Variants in CAMK1D observed in about 807,000 individuals in gnomAD.
CAMK1D encodes calcium/calmodulin-dependent protein kinase type 1D.
CAMK1D carries 9 observed loss-of-function variants against 47.7 expected under a neutral mutation model. The observed-to-expected ratio is 0.19, with a 90% CI of 0.11 to 0.33. The LOEUF (loss-of-function observed/expected upper bound fraction) is 0.33. CAMK1D is among the 10% of genes least tolerant of loss of function. CAMK1D has a pLI of 1.00. For synonymous variants in CAMK1D, 184 were observed against 184.9 expected (o/e 0.99, Z 0.04); for missense variants, 291 against 488.7 (o/e 0.60, Z 3.81).
chr10:12,407,226 A>T lies in CAMK1D; in HGVS notation c.92+57316A>T, dbSNP rs114647097. On this transcript the variant is annotated intron_variant, in intron 1 of 10. Transcript: ENST00000619168. ...CCAGGCTTGAGGAACCCAGGGCAGG[A>T]GGCCTGGCAGGGCGGGCAGAGCCGC... Among the ~76,000 whole-genome samples the T allele has an allele frequency of 2.3e-3, 343 of 152,346 alleles. 4 individuals are homozygous for T. Among genetic ancestry groups the T allele is most frequent in the African/African-American group, 8.1e-3 (338 of 41,572 alleles).
rs555915400 is a variant in CAMK1D, at chr10:12,592,912, G to T, written c.224+39556G>T. ...AAATCTCTCTTGTTCTCTCCTTTCTGCCTGGCTCCCTCCTCTTCATCTTTC... is the reference window on the plus strand; with the variant it reads ...AAATCTCTCTTGTTCTCTCCTTTCTTCCTGGCTCCCTCCTCTTCATCTTTC... On this transcript the variant is annotated intron_variant, in intron 2 of 10. Coordinates refer to ENST00000619168, the MANE Select transcript of CAMK1D (RefSeq NM_153498.4). Among the ~76,000 whole-genome samples, 28 of 152,154 alleles carry T rather than the reference G, an allele frequency of 1.8e-4. No individual in the cohort carries two copies. In the South Asian group the frequency reaches 5.4e-3, roughly 29 times the overall value.
intron 1 of CAMK1D, among the ~76,000 whole-genome samples, chr10:12,440,818 A>G (rs1467168394): frequency 6.6e-6 from 1 of 152,228 alleles, no homozygotes; most frequent in African/African-American, 2.4e-5. Context: ...GATGCAGGAA[A>G]TGCTACCTGA....
intron 1 of CAMK1D, among the ~76,000 whole-genome samples, chr10:12,388,937 G>T (rs546560541): frequency 4.6e-5 from 7 of 152,178 alleles, no homozygotes; most frequent in Non-Finnish European, 1.0e-4. Flanking sequence ...TGCGGTAAAG[G>T]CGTGGCTTGC....
chr10:12,432,643 G>A (rs1832519110), intron 1 of CAMK1D, among the ~76,000 whole-genome samples: 2 of 152,202 alleles, frequency 1.3e-5, no homozygotes, highest in Non-Finnish European at 2.9e-5. Flanking sequence ...TGAATGAATG[G>A]GCAAATGAAC....
At chr10:12,824,672 C>T in intron 9 of CAMK1D, 120 bp downstream of exon 9, 1 of 742,538 alleles carries the variant, frequency 1.3e-6, no homozygotes, top group Non-Finnish European at 2.3e-6. Context: ...ATTTTAACTG[C>T]AAGTAATAAA....
intron 1 of CAMK1D, among the ~76,000 whole-genome samples, chr10:12,376,377 T>C (rs2131865302): frequency 6.6e-6 from 1 of 152,090 alleles, no homozygotes; most frequent in East Asian, 1.9e-4. Flanking sequence ...GATTTGAACC[T>C]AGATCTGTGT....
chr10:12,742,096 C>T (rs1210951445), intron 3 of CAMK1D, among the ~76,000 whole-genome samples: 1 of 152,180 alleles, frequency 6.6e-6, no homozygotes, highest in Non-Finnish European at 1.5e-5. Flanking sequence ...TCTGCCTACG[C>T]CCACTGCTTC....
chr10:12,606,509 G>A (rs1404723533), intron 2 of CAMK1D, among the ~76,000 whole-genome samples: 1 of 152,208 alleles, frequency 6.6e-6, no homozygotes, highest in Non-Finnish European at 1.5e-5. Flanking sequence ...GCTCAGAATG[G>A]ATGGCTGGAT....
At chr10:12,363,046 T>C (rs922991811) in intron 1 of CAMK1D, among the ~76,000 whole-genome samples, 2 of 150,348 alleles carry the variant, frequency 1.3e-5, no homozygotes, top group Admixed American at 6.7e-5. Context: ...GTACAAGCAA[T>C]TCTCCTGTCT....
At chr10:12,694,184 A>ATATAAT (rs1564498367) in intron 3 of CAMK1D, among the ~76,000 whole-genome samples, 8 of 17,326 alleles carry the variant, frequency 4.6e-4, no homozygotes, top group African/African-American at 1.7e-3. Flanking sequence ...TATTATATAT[A>ATATAAT]ATATAATATA....
At chr10:12,367,126 G>A (rs1233423061) in intron 1 of CAMK1D, among the ~76,000 whole-genome samples, 1 of 152,088 alleles carries the variant, frequency 6.6e-6, no homozygotes, top group Non-Finnish European at 1.5e-5. Flanking sequence ...GAGAAAAAGG[G>A]GATAAAAAAT....
At chr10:12,695,098 G>T (rs1833229168) in intron 3 of CAMK1D, among the ~76,000 whole-genome samples, 1 of 140,240 alleles carries the variant, frequency 7.1e-6, no homozygotes, top group Non-Finnish European at 1.6e-5. Context: ...ATAGATATAG[G>T]GTAGATTGAT....
chr10:12,781,047 T>C (rs3802564), intron 5 of CAMK1D, among the ~76,000 whole-genome samples: 34,207 of 152,132 alleles, frequency 0.22, 4,023 homozygotes, highest in East Asian at 0.46. Flanking sequence ...CACATGGCAG[T>C]CCCACAGAGT....
chr10:12,604,990 T>A (rs1838409385), intron 2 of CAMK1D, among the ~76,000 whole-genome samples: 1 of 151,680 alleles, frequency 6.6e-6, no homozygotes, highest in Non-Finnish European at 1.5e-5. Context: ...TGGGTTCAAG[T>A]GATTCTCCTG....
At position 12,525,264 on chromosome 10, in the gene CAMK1D, G is replaced by A. The variant is rs1219418260; in HGVS notation, c.93-27961G>A. 4.6e-5 allele frequency among the ~76,000 whole-genome samples: 7 copies of A among 152,124 alleles called. 1 individual carries two copies. Among genetic ancestry groups the A allele is most frequent in the Admixed American group, 4.6e-4 (7 of 15,272 alleles). On this transcript the variant is annotated intron_variant, in intron 1 of 10. Transcript: ENST00000619168. Reference sequence around the variant, plus strand: ...TGAACTTCTGTAATCAGTACCTAATGTCTTTCGCCATACATGGGAAGTTTT... The same window carrying A: ...TGAACTTCTGTAATCAGTACCTAATATCTTTCGCCATACATGGGAAGTTTT...
rs1399514699 is a variant in CAMK1D, at chr10:12,771,948, C to G, written c.565+2149C>G. ...ACTTGGGAGGCTGAGGCAGGAGAAT[C>G]GCTTGAACCTGGGGGGCGGAAGTTG... is the stretch of plus-strand genomic sequence containing the variant. On this transcript the variant is annotated intron_variant, in intron 5 of 10. Coordinates refer to ENST00000619168, the MANE Select transcript of CAMK1D (RefSeq NM_153498.4). 3.3e-5 allele frequency among the ~76,000 whole-genome samples: 5 copies of G among 151,914 alleles called. No individual in the cohort carries two copies. The East Asian group carries it at 9.7e-4, about 29-fold the overall frequency.
chr10:12,776,647 A>C (rs574441325), intron 5 of CAMK1D, among the ~76,000 whole-genome samples: 19 of 152,288 alleles, frequency 1.2e-4, no homozygotes, highest in African/African-American at 4.1e-4. Flanking sequence ...TTGAATCATT[A>C]ACATCGATTC....
intron 3 of CAMK1D, among the ~76,000 whole-genome samples, chr10:12,759,478 G>A (rs969015552): frequency 1.3e-5 from 2 of 152,178 alleles, no homozygotes; most frequent in African/African-American, 4.8e-5. Context: ...GTTGGGGGAA[G>A]GTTCTTGAAA....
intron 5 of CAMK1D, among the ~76,000 whole-genome samples, chr10:12,777,066 A>G (rs866569721): frequency 6.6e-6 from 1 of 152,152 alleles, no homozygotes; most frequent in Non-Finnish European, 1.5e-5. Flanking sequence ...ATGAGGATCA[A>G]CTAGATTTGG....
Sources: gnomAD v4.1 joint callset for allele counts (sites outside exome capture counted in the v4.1 genomes callset) on GRCh38, gnomAD v4.1.1 for gene constraint, MANE v1.5 for transcripts, NCBI Gene and HGNC (gene_info 2026-07-23, HGNC 2026-07-21) for gene names.